Variants in SLC9A1 observed in about 807,000 individuals in gnomAD.
SLC9A1 encodes the protein sodium/hydrogen exchanger 1.
In SLC9A1, 22 loss-of-function variants were observed where a neutral mutation model predicts 67.9. The observed-to-expected ratio is 0.32, with a 90% CI of 0.23 to 0.46. The LOEUF is 0.46. SLC9A1 is among the 20% of genes least tolerant of loss of function. SLC9A1 has a pLI of 1.00. For synonymous variants in SLC9A1, 421 were observed against 471.8 expected, an observed-to-expected ratio of 0.89 and a Z score of 1.40; for missense variants, 686 against 1,094.8, an observed-to-expected ratio of 0.63 and a Z score of 5.27.
rs1424705319 is a variant in SLC9A1, at chr1:27,118,037, C to A, written c.353-3751G>T. Among the ~76,000 whole-genome samples the A allele has an allele frequency of 1.3e-5, 2 of 152,172 alleles. No individual in the cohort carries two copies. Among genetic ancestry groups the A allele is most frequent in the Non-Finnish European group, 2.9e-5 (2 of 68,028 alleles). On this transcript the variant is annotated intron_variant, in intron 1 of 11. Transcript: ENST00000263980. This position sits in a 1 kb window ranked among gnomAD's most constrained non-coding sequence, Gnocchi z 4.3. ...AAGAAAAACGAGCTCTGAGAGGAGG[C>A]TGCATGCACTCAGCCAGGCCAACCA...
chr1:27,112,428 G>A (rs1352786712), intron 2 of SLC9A1, among the ~76,000 whole-genome samples: 4 of 152,248 alleles, frequency 2.6e-5, no homozygotes, highest in East Asian at 1.9e-4. Flanking sequence ...GACAGCTCAG[G>A]AGGGGGTGGG....
chr1:27,125,988 T>A (rs2124176483), intron 1 of SLC9A1, among the ~76,000 whole-genome samples: 1 of 152,258 alleles, frequency 6.6e-6, no homozygotes, highest in South Asian at 2.1e-4. Flanking sequence ...CCACTCACTG[T>A]CCCCTAGCTC....
intron 5 of SLC9A1, among the ~76,000 whole-genome samples, chr1:27,104,529 C>T (rs1229767046): frequency 6.6e-6 from 1 of 152,100 alleles, no homozygotes; most frequent in Non-Finnish European, 1.5e-5. Flanking sequence ...CTGGGACTTA[C>T]AGGTGTGTAC....
chr1:27,111,633 AAAAT>A (rs6143171), intron 2 of SLC9A1, among the ~76,000 whole-genome samples: 55,000 of 150,382 alleles, frequency 0.37, 10,542 homozygotes, highest in African/African-American at 0.44. Context: ...CCATATCTAC[AAAAT>A]AAATAAATAA....
chr1:27,102,829 G>T, intron 6 of SLC9A1, 86 bp from the exon 7 acceptor site: 2 of 1,200,900 alleles, frequency 1.7e-6, no homozygotes, highest in Non-Finnish European at 2.4e-6. Context: ...CCCTCCCGTA[G>T]CTGCAGCCCT....
Position 27,147,299 on chromosome 1 carries a change from CAA to C in SLC9A1, c.352+6682_352+6683del, listed in dbSNP as rs57583944. On this transcript the variant is annotated intron_variant, in intron 1 of 11. Coordinates refer to ENST00000263980, the MANE Select transcript of SLC9A1 (RefSeq NM_003047.5). ...TGTGCAAAAGAGCGAGACTCTGTCT[CAA>C]AAAAAAAAAAAAAAAAAAAAGAAAA... Among the ~76,000 whole-genome samples the C allele has an allele frequency of 2.4e-3, 107 of 43,930 alleles. 1 individual carries two copies. The highest frequency in any genetic ancestry group is 9.9e-3 in the African/African-American group (99 of 9,956). 28.8% of individuals were successfully genotyped at this position (43,930 alleles called of 152,430 possible).
chr1:27,125,237 C>CTTTCTT (rs2083333521), intron 1 of SLC9A1, among the ~76,000 whole-genome samples: 2 of 86,872 alleles, frequency 2.3e-5, no homozygotes, highest in Admixed American at 1.9e-4. Context: ...CCTTTTCTTT[C>CTTTCTT]TTTTTTTTTT....
intron 1 of SLC9A1, among the ~76,000 whole-genome samples, chr1:27,146,100 G>C (rs2083483680): frequency 6.6e-6 from 1 of 152,184 alleles, no homozygotes; most frequent in Non-Finnish European, 1.5e-5. Context: ...TGCAGGGGGA[G>C]CGAGTGCTGC....
chr1:27,122,881 C>T (rs1336362919), intron 1 of SLC9A1, among the ~76,000 whole-genome samples: 3 of 152,088 alleles, frequency 2.0e-5, no homozygotes, highest in Admixed American at 6.6e-5. Context: ...GGACTGGGAC[C>T]GGCAGTAAAG....
chr1:27,113,686 T>C (rs2083245734), intron 2 of SLC9A1, 140 bp downstream of exon 2: 2 of 684,964 alleles, frequency 2.9e-6, no homozygotes, highest in Non-Finnish European at 5.1e-6. Context: ...GGGCTCAGCA[T>C]GGTGCCTGGC....
intron 1 of SLC9A1, among the ~76,000 whole-genome samples, chr1:27,148,726 T>C (rs2083505548): frequency 6.6e-6 from 1 of 152,048 alleles, no homozygotes. Context: ...TAATGAGAAG[T>C]ACTATTAAAC....
chr1:27,143,041 C>T (rs183089933), intron 1 of SLC9A1, among the ~76,000 whole-genome samples: 62 of 75,322 alleles, frequency 8.2e-4, no homozygotes, highest in South Asian at 7.1e-3. Flanking sequence ...TGACAATCAA[C>T]TGTGTAAAAA....
chr1:27,132,223 A>T (rs1286430342), intron 1 of SLC9A1, among the ~76,000 whole-genome samples: 1 of 151,994 alleles, frequency 6.6e-6, no homozygotes, highest in East Asian at 1.9e-4. Context: ...CAAAAGGAGG[A>T]CATAACCACA....
chr1:27,145,086 AAAAAG>A (rs1425255304), intron 1 of SLC9A1, among the ~76,000 whole-genome samples: 2 of 152,212 alleles, frequency 1.3e-5, no homozygotes, highest in African/African-American at 4.8e-5. Context: ...AAAAAAAAAA[AAAAAG>A]AAAGTGAACA....
rs1176001805 is a variant in SLC9A1 at position 27,106,989 on chromosome 1, G to A, written c.1282+659C>T. 6.6e-6 allele frequency among the ~76,000 whole-genome samples: 1 copy of A among 151,598 alleles called. No individual in the cohort carries two copies. The highest frequency in any genetic ancestry group is 2.4e-5 in the African/African-American group (1 of 41,158). On this transcript the variant is annotated intron_variant, in intron 4 of 11. Transcript: ENST00000263980. This position sits in a 1 kb window ranked among gnomAD's most constrained non-coding sequence, Gnocchi z 4.3. ...GACACAGGCTTCTCCCTGCTGAAGG[G>A]CCCATCATGGAAATGGGAAGTCCCT...
In SLC9A1 at chr1:27,110,095, TC is replaced by T. The variant is rs1475197372; in HGVS notation, c.814-319del. Reference sequence around the variant, plus strand: ...GTTGTGTACAGGAAGCAAATTCATCTCCCTGTGTTTCAGTTTTCCTGTCTAT... The same window carrying T: ...GTTGTGTACAGGAAGCAAATTCATCTCCTGTGTTTCAGTTTTCCTGTCTAT... On this transcript the variant is annotated intron_variant, in intron 2 of 11. Coordinates refer to ENST00000263980, the MANE Select transcript of SLC9A1 (RefSeq NM_003047.5). 2.0e-5 allele frequency among the ~76,000 whole-genome samples: 3 copies of T among 152,180 alleles called. No individual in the cohort carries two copies. In the East Asian group the frequency reaches 5.8e-4, roughly 29 times the overall value.
chr1:27,131,423 G>A (rs376330341), intron 1 of SLC9A1, among the ~76,000 whole-genome samples: 145 of 111,752 alleles, frequency 1.3e-3, no homozygotes, highest in African/African-American at 4.6e-3. Flanking sequence ...GTGAAACCCC[G>A]TCTCTACTAA....
At chr1:27,139,647 G>A (rs1342114934) in intron 1 of SLC9A1, among the ~76,000 whole-genome samples, 7 of 152,224 alleles carry the variant, frequency 4.6e-5, no homozygotes, top group Admixed American at 3.3e-4. Context: ...TGAGTGAGGC[G>A]TGTTTGGGGG....
chr1:27,105,512 G>A (rs748573080), intron 5 of SLC9A1: 11 of 587,270 alleles, frequency 1.9e-5, no homozygotes, highest in Non-Finnish European at 2.8e-5. Flanking sequence ...TAGTCAGGCT[G>A]GTCTCAAACT....
Sources: allele counts gnomAD v4.1 joint callset (sites outside exome capture counted in the v4.1 genomes callset), GRCh38; gene constraint gnomAD v4.1.1; non-coding constraint Gnocchi (gnomAD v3.1); transcripts MANE v1.5; gene names NCBI Gene and HGNC (gene_info 2026-07-23, HGNC 2026-07-21).